Variants in SPSB1 observed in about 807,000 individuals in gnomAD.
SPSB1 encodes SPRY domain-containing SOCS box protein 1.
A neutral mutation model predicts 21.2 loss-of-function variants in SPSB1; 8 were observed. That is an observed-to-expected ratio of 0.38 (90% CI 0.22 to 0.68). SPSB1 has a LOEUF of 0.68. SPSB1 is among the 30% of genes least tolerant of loss of function. The pLI is 0.53. For synonymous variants in SPSB1, 169 were observed against 161.7 expected, an observed-to-expected ratio of 1.05 and a Z score of -0.34; for missense variants, 242 against 377.8, an observed-to-expected ratio of 0.64 and a Z score of 2.98.
chr1:9,307,916 G>A (rs1639448775), intron 1 of SPSB1, among the ~76,000 whole-genome samples: 1 of 152,114 alleles, frequency 6.6e-6, no homozygotes, highest in Non-Finnish European at 1.5e-5. Context: ...TCCTCGCCAT[G>A]GTCCCCCTCA....
intron 1 of SPSB1, among the ~76,000 whole-genome samples, chr1:9,337,296 G>A (rs1640019093): frequency 6.6e-6 from 1 of 152,116 alleles, no homozygotes; most frequent in Admixed American, 6.5e-5. Flanking sequence ...GACAAGAGTT[G>A]GCCCTGAAGT....
In SPSB1 at chr1:9,305,665, C is replaced by T. The variant is rs560996600; in HGVS notation, c.-150+12594C>T. Among the ~76,000 whole-genome samples the T allele has an allele frequency of 1.7e-3, 252 of 152,296 alleles. No homozygotes were observed. Among genetic ancestry groups the T allele is most frequent in the Admixed American group, 4.3e-3 (66 of 15,294 alleles). On this transcript the variant is annotated intron_variant, in intron 1 of 2. Transcript: ENST00000328089. The surrounding 1 kb of genome is among the most constrained non-coding windows in gnomAD (Gnocchi z 4.8). ...TCAGACCAGACTTCCTTCCATGCCC[C>T]GTGGGAGGTCAGGAACTCCGAACAA...
rs368654441 is a variant in SPSB1, at chr1:9,356,164, C to T, written c.273C>T (p.Val91=). ...GCACGGACGCTATCAGGGGCAAAGTCGGGTATACCCGTGGGCTGCACGTGT... is the reference window on the plus strand; with the variant it reads ...GCACGGACGCTATCAGGGGCAAAGTTGGGTATACCCGTGGGCTGCACGTGT... ...AQSTDAIRGK[V]GYTRGLHVWQ... is the part of the protein sequence containing the mutation. Residue 91 remains valine, a synonymous_variant, in exon 2 of 3, where the codon GTC becomes GTT. Transcript: ENST00000328089. This position sits in a 1 kb window ranked among gnomAD's most constrained non-coding sequence, Gnocchi z 7.4. 6.2e-5 allele frequency: 99 copies of T among 1,584,246 alleles called. No individual in the cohort carries two copies. Among genetic ancestry groups the T allele is most frequent in the Non-Finnish European group, 7.9e-5 (92 of 1,161,958 alleles).
At chr1:9,300,233 A>G (rs1210770876) in intron 1 of SPSB1, among the ~76,000 whole-genome samples, 1 of 152,210 alleles carries the variant, frequency 6.6e-6, no homozygotes, top group Non-Finnish European at 1.5e-5. Flanking sequence ...ACCAAGAAAG[A>G]GGCACAATGC....
At chr1:9,327,448 T>G in intron 1 of SPSB1, among the ~76,000 whole-genome samples, 1 of 151,344 alleles carries the variant, frequency 6.6e-6, no homozygotes, top group African/African-American at 2.4e-5. Flanking sequence ...GGGAAGGGGG[T>G]GTCATCGGGG....
chr1:9,366,036 C>G (rs1039084614), intron 2 of SPSB1, among the ~76,000 whole-genome samples: 1 of 152,236 alleles, frequency 6.6e-6, no homozygotes, highest in Admixed American at 6.5e-5. Flanking sequence ...CTCCTGAGAT[C>G]TGAAGCTGAC....
intron 1 of SPSB1, among the ~76,000 whole-genome samples, chr1:9,344,674 TATTC>T (rs1279440216): frequency 1.5e-5 from 2 of 137,766 alleles, no homozygotes; most frequent in African/African-American, 5.9e-5. Flanking sequence ...CTGCCCTTCT[TATTC>T]TTATTCCCCC....
intron 1 of SPSB1, among the ~76,000 whole-genome samples, chr1:9,320,496 G>A (rs1399413893): frequency 6.6e-6 from 1 of 152,218 alleles, no homozygotes; most frequent in African/African-American, 2.4e-5. Context: ...TTCCCTTGGC[G>A]TTCCATAGCA....
chr1:9,318,059 G>A (rs1319973501), intron 1 of SPSB1, among the ~76,000 whole-genome samples: 3 of 152,338 alleles, frequency 2.0e-5, no homozygotes, highest in South Asian at 2.1e-4. Flanking sequence ...TCCCCTTTCC[G>A]GGCAGGTTGG....
rs1553128958 is a variant in SPSB1 at position 9,361,156 on chromosome 1, C to CCTTTTTTTTTTTTTTTTTTTTTTTT, written c.694+4571_694+4572insCTTTTTTTTTTTTTTTTTTTTTTTT. On this transcript the variant is annotated intron_variant, in intron 2 of 2. Transcript: ENST00000328089. ...CAGGCATGGCTGGATCTGTCATTTT[C>CCTTTTTTTTTTTTTTTTTTTTTTTT]TTTTTTTTTTTTTTTTTTTTTTTTT... Among the ~76,000 whole-genome samples the CCTTTTTTTTTTTTTTTTTTTTTTTT allele has an allele frequency of 9.7e-5, 10 of 102,578 alleles. 2 individuals are homozygous for CCTTTTTTTTTTTTTTTTTTTTTTTT. Among genetic ancestry groups the CCTTTTTTTTTTTTTTTTTTTTTTTT allele is most frequent in the African/African-American group, 2.1e-4 (5 of 24,226 alleles). The allele number at this position is 102,578 out of a possible 152,430, so 67.3% of individuals were successfully genotyped here.
rs184840982 is a variant in SPSB1, at chr1:9,357,472, G to A, written c.694+887G>A. 3.8e-4 allele frequency among the ~76,000 whole-genome samples: 58 copies of A among 152,278 alleles called. 1 individual carries two copies. The highest frequency in any genetic ancestry group is 1.3e-3 in the African/African-American group (53 of 41,558). On this transcript the variant is annotated intron_variant, in intron 2 of 2. Coordinates refer to ENST00000328089, the MANE Select transcript of SPSB1 (RefSeq NM_025106.4). ...CTAGCCCAGTTGCCAGCATATCATC[G>A]AGCTGGGGTTTGTAACCTTGGGGAT... is the stretch of plus-strand genomic sequence containing the variant.
chr1:9,336,533 C>T (rs1182414505), intron 1 of SPSB1, among the ~76,000 whole-genome samples: 1 of 152,178 alleles, frequency 6.6e-6, no homozygotes, highest in Admixed American at 6.5e-5. Flanking sequence ...GCTCCTCCTC[C>T]TGGTTCTTTA....
chr1:9,293,057 G>C lies in SPSB1; in HGVS notation c.-164G>C, dbSNP rs1231374583. ...GGCCTTGGAGAGCAGCGGCGGCGGC[G>C]GCACCCCGGGCGCGGTAGGCGGCGC... On this transcript the variant is annotated 5_prime_UTR_variant, in exon 1 of 3. Transcript: ENST00000328089. This position sits in a 1 kb window ranked among gnomAD's most constrained non-coding sequence, Gnocchi z 5.1. 1.0e-6 allele frequency: 1 copy of C among 980,676 alleles called. No homozygotes were observed. The highest frequency in any genetic ancestry group is 1.2e-6 in the Non-Finnish European group (1 of 827,178). The allele number at this position is 980,676 out of a possible 1,614,324, so 60.7% of individuals were successfully genotyped here.
intron 2 of SPSB1, among the ~76,000 whole-genome samples, chr1:9,361,142 G>A (rs1250308144): frequency 8.7e-6 from 1 of 114,666 alleles, no homozygotes; most frequent in African/African-American, 3.6e-5. Context: ...AGGCATGGCT[G>A]GATCTGTCAT....
In SPSB1 at chr1:9,367,639, T is replaced by G; in HGVS notation, c.*64T>G. 1 of 1,519,962 alleles carries G rather than the reference T, an allele frequency of 6.6e-7. No homozygotes were observed. Among genetic ancestry groups the G allele is most frequent in the Non-Finnish European group, 8.8e-7 (1 of 1,130,582 alleles). The allele number at this position is 1,519,962 out of a possible 1,614,324, so 94.2% of individuals were successfully genotyped here. A position where few individuals can be genotyped will look rare whatever the true frequency, so the allele number is the denominator to read the frequency against. On this transcript the variant is annotated 3_prime_UTR_variant, in exon 3 of 3. Transcript: ENST00000328089. The surrounding 1 kb of genome is among the most constrained non-coding windows in gnomAD (Gnocchi z 5.9). ...GCCAACTCACTGAGCCGCCTGCCGC[T>G]GGGGCCGCCGCACCCTGCACCTTGG...
At chr1:9,303,695 G>C (rs1378596597) in intron 1 of SPSB1, among the ~76,000 whole-genome samples, 1 of 152,156 alleles carries the variant, frequency 6.6e-6, no homozygotes, top group East Asian at 1.9e-4. Flanking sequence ...TTGCTATGCA[G>C]GATAGTAGTG....
intron 1 of SPSB1, chr1:9,294,681 G>A (rs11802043): frequency 6.6e-6 from 1 of 152,192 alleles, no homozygotes; most frequent in Non-Finnish European, 1.5e-5. Flanking sequence ...TGGTAAAAGC[G>A]CCATCCCTGG....
rs535942513 is a variant in SPSB1, at chr1:9,305,859, C to T, written c.-150+12788C>T. 3.3e-5 allele frequency among the ~76,000 whole-genome samples: 5 copies of T among 152,248 alleles called. No homozygotes were observed. In the South Asian group the frequency reaches 8.3e-4, roughly 25 times the overall value. On this transcript the variant is annotated intron_variant, in intron 1 of 2. Coordinates refer to ENST00000328089, the MANE Select transcript of SPSB1 (RefSeq NM_025106.4). The surrounding 1 kb of genome is among the most constrained non-coding windows in gnomAD (Gnocchi z 4.8). Reference sequence around the variant, plus strand: ...ACAGGCCCGTCTCTGCTGATGATAGCGCTCAGGGTATCAGAGGACACTGGT... The same window carrying T: ...ACAGGCCCGTCTCTGCTGATGATAGTGCTCAGGGTATCAGAGGACACTGGT...
At chr1:9,329,096 G>A (rs74051624) in intron 1 of SPSB1, among the ~76,000 whole-genome samples, 1 of 152,134 alleles carries the variant, frequency 6.6e-6, no homozygotes, top group Non-Finnish European at 1.5e-5. Context: ...AGGAGTTCGC[G>A]TGGGGGACAG....
Sources: allele counts gnomAD v4.1 joint callset (sites outside exome capture counted in the v4.1 genomes callset), GRCh38; gene constraint gnomAD v4.1.1; non-coding constraint Gnocchi (gnomAD v3.1); transcripts MANE v1.5; gene names NCBI Gene and HGNC (gene_info 2026-07-23, HGNC 2026-07-21).